CRTAM: variants seen among roughly 807,000 people sequenced by gnomAD.
CRTAM encodes the protein cytotoxic and regulatory T-cell molecule.
CRTAM carries 44 observed loss-of-function variants against 50.0 expected under a neutral mutation model. The ratio of observed to expected loss-of-function variants is 0.88; its 90% CI spans 0.69 to 1.13. CRTAM has a LOEUF of 1.13. Ranked by LOEUF, CRTAM falls within the 50% of genes most tolerant of loss-of-function variation. CRTAM has a pLI of 0.00. For synonymous variants in CRTAM, 159 were observed against 169.3 expected (o/e 0.94, Z 0.47); for missense variants, 448 against 457.5 (o/e 0.98, Z 0.19).
At chr11:122,865,599 T>C (rs1239045886) in intron 7 of CRTAM, among the ~76,000 whole-genome samples, 2 of 152,174 alleles carry the variant, frequency 1.3e-5, no homozygotes, top group African/African-American at 4.8e-5. Flanking sequence ...AAAAGATTTC[T>C]ATACCTATAT....
At chr11:122,851,283 A>T (rs1295449649) in intron 2 of CRTAM, among the ~76,000 whole-genome samples, 1 of 144,328 alleles carries the variant, frequency 6.9e-6, no homozygotes, top group African/African-American at 2.6e-5. Flanking sequence ...AAAAAAAAAA[A>T]GTTATGCTTT....
At chr11:122,863,249 GAGAGAAAGA>G (rs1469182572) in intron 6 of CRTAM, among the ~76,000 whole-genome samples, 54 of 125,648 alleles carry the variant, frequency 4.3e-4, no homozygotes, top group African/African-American at 1.6e-3. Flanking sequence ...AAGAAAGAAA[GAGAGAAAGA>G]AAAGAAAGAA....
chr11:122,839,925 G>A (rs1223825992), intron 1 of CRTAM, among the ~76,000 whole-genome samples: 1 of 151,924 alleles, frequency 6.6e-6, no homozygotes, highest in East Asian at 1.9e-4. Context: ...TGTACCCTGA[G>A]GCACTTAATA....
rs546531567 is a variant in CRTAM at position 122,864,774 on chromosome 11, C to T, written c.817+55C>T. 10 of 1,299,486 alleles carry T rather than the reference C, an allele frequency of 7.7e-6. No individual in the cohort carries two copies. In the East Asian group the frequency reaches 1.2e-4, roughly 15 times the overall value. The allele number at this position is 1,299,486 out of a possible 1,614,324, so 80.5% of individuals were successfully genotyped here. On this transcript the variant is annotated intron_variant, in intron 7 of 9. Coordinates refer to ENST00000227348, the MANE Select transcript of CRTAM (RefSeq NM_019604.4). ...ACACTCGACATTTTAACCTCTTAAT[C>T]GATAAATTCAATGGCCTTTGTCAGT...
chr11:122,860,899 G>T (rs1173644097), intron 5 of CRTAM, among the ~76,000 whole-genome samples: 5 of 152,160 alleles, frequency 3.3e-5, no homozygotes, highest in Non-Finnish European at 7.4e-5. Context: ...GTCTTGCCAT[G>T]TTGCCTAGGC....
chr11:122,865,849 T>G (rs74550804), intron 7 of CRTAM, among the ~76,000 whole-genome samples: 3,739 of 152,358 alleles, frequency 0.025, 63 homozygotes, highest in Non-Finnish European at 0.036. Context: ...TATATGTATA[T>G]GCATATGCAC....
chr11:122,853,134 G>GCTTACTGCA (rs1034248244), intron 3 of CRTAM, among the ~76,000 whole-genome samples: 1 of 151,642 alleles, frequency 6.6e-6, no homozygotes, highest in African/African-American at 2.4e-5. Context: ...CGCAAACTCG[G>GCTTACTGCA]CTTACTGCAC....
At chr11:122,857,819 G>T (rs1862025119) in intron 5 of CRTAM, among the ~76,000 whole-genome samples, 1 of 152,212 alleles carries the variant, frequency 6.6e-6, no homozygotes. Flanking sequence ...GAGGAAAGAA[G>T]TGCCTTCCTC....
chr11:122,854,644 CA>C (rs1861981156), intron 4 of CRTAM, among the ~76,000 whole-genome samples: 1 of 139,256 alleles, frequency 7.2e-6, no homozygotes, highest in Non-Finnish European at 1.5e-5. Flanking sequence ...GCCTGGGCAA[CA>C]GGAGCAAAAT....
intron 7 of CRTAM, among the ~76,000 whole-genome samples, chr11:122,866,466 G>A (rs1037550826): frequency 3.9e-5 from 6 of 152,110 alleles, no homozygotes; most frequent in African/African-American, 1.2e-4. Context: ...CCCAAAGCAT[G>A]TGAACTGTGC....
intron 1 of CRTAM, among the ~76,000 whole-genome samples, chr11:122,842,177 G>A (rs188999857): frequency 2.6e-5 from 4 of 152,300 alleles, no homozygotes; most frequent in East Asian, 1.9e-4. Flanking sequence ...GAGTCAAGTC[G>A]GCTGGAATTT....
intron 2 of CRTAM, 42 bp downstream of exon 2, chr11:122,850,256 C>T (rs2135235842): frequency 6.5e-7 from 1 of 1,541,226 alleles, no homozygotes; most frequent in Non-Finnish European, 8.8e-7. Flanking sequence ...CAGACCTTAA[C>T]CTGAGGGTTT....
intron 5 of CRTAM, among the ~76,000 whole-genome samples, chr11:122,859,133 A>C (rs994170168): frequency 6.6e-6 from 1 of 152,036 alleles, no homozygotes. Context: ...ATTTTTTGAG[A>C]TGGAGTGCAC....
intron 3 of CRTAM, among the ~76,000 whole-genome samples, chr11:122,852,817 G>T (rs543903746): frequency 6.6e-6 from 1 of 152,228 alleles, no homozygotes; most frequent in East Asian, 1.9e-4. Flanking sequence ...CAGACTATTA[G>T]CTCCTTGAAT....
intron 1 of CRTAM, among the ~76,000 whole-genome samples, chr11:122,840,201 A>G (rs1264488703): frequency 6.6e-6 from 1 of 152,218 alleles, no homozygotes; most frequent in Non-Finnish European, 1.5e-5. Context: ...TTATTTATAT[A>G]GAGAGGAAAA....
intron 1 of CRTAM, among the ~76,000 whole-genome samples, chr11:122,839,805 TG>T (rs1157560314): frequency 2.6e-5 from 4 of 152,240 alleles, no homozygotes; most frequent in Non-Finnish European, 4.4e-5. Context: ...ACATTTAATC[TG>T]GAATGGCATC....
At chr11:122,865,423 G>GGTTTT (rs1862158158) in intron 7 of CRTAM, among the ~76,000 whole-genome samples, 2 of 150,648 alleles carry the variant, frequency 1.3e-5, no homozygotes, top group Admixed American at 1.3e-4. Context: ...TTTTTTTTCT[G>GGTTTT]GTTTTGTTTT....
Position 122,855,841 on chromosome 11 carries a change from C to T in CRTAM, c.637C>T (p.Arg213Trp), listed in dbSNP as rs768697478. Residue 213 changes from arginine to tryptophan, a missense_variant, in exon 5 of 10, where the codon CGG (arginine) becomes TGG (tryptophan). Transcript: ENST00000227348. Reference protein sequence around the residue: ...LQGRKLVAPFRFEDLVTDEET... With the variant: ...LQGRKLVAPFWFEDLVTDEET... Reference sequence around the variant, plus strand: ...AGGGAGAAAACTAGTAGCACCCTTCCGGTTTGAAGATTTGGGTAAGAAGAA... The same window carrying T: ...AGGGAGAAAACTAGTAGCACCCTTCTGGTTTGAAGATTTGGGTAAGAAGAA... 2.2e-5 allele frequency: 36 copies of T among 1,611,842 alleles called. No homozygotes were observed. Among genetic ancestry groups the T allele is most frequent in the African/African-American group, 5.3e-5 (4 of 74,820 alleles).
At chr11:122,853,823 A>G (rs974078925) in intron 3 of CRTAM, 120 bp from the exon 4 acceptor site, 2 of 877,986 alleles carry the variant, frequency 2.3e-6, no homozygotes. Context: ...AAAAAAAAAA[A>G]GAAAGCCCAT....
Sources: allele counts gnomAD v4.1 joint callset (sites outside exome capture counted in the v4.1 genomes callset), GRCh38; gene constraint gnomAD v4.1.1; transcripts MANE v1.5; gene names NCBI Gene and HGNC (gene_info 2026-07-23, HGNC 2026-07-21).